The following PPP1R12A variants were observed in gnomAD, a reference collection of about 807,000 sequenced individuals.
The protein encoded by PPP1R12A is protein phosphatase 1 regulatory subunit 12A.
PPP1R12A carries 19 observed loss-of-function variants against 139.6 expected under a neutral mutation model. The observed-to-expected ratio is 0.14, with a 90% CI of 0.09 to 0.20. PPP1R12A has a LOEUF of 0.20. Among genes scored for constraint, PPP1R12A ranks in the 10% least tolerant of loss-of-function variants. PPP1R12A has a pLI of 1.00. For missense variants in PPP1R12A, 925 were observed against 1,211.5 expected (o/e 0.76, Z 3.51); for synonymous variants, 427 against 420.6 (o/e 1.02, Z -0.19).
intron 14 of PPP1R12A, 48 bp from the exon 15 acceptor site, chr12:79,798,632 GAATGTA>G: frequency 9.3e-7 from 1 of 1,072,892 alleles, no homozygotes; most frequent in South Asian, 1.6e-5. Flanking sequence ...CAATACCTGT[GAATGTA>G]AATATCTATC....
intron 1 of PPP1R12A, among the ~76,000 whole-genome samples, chr12:79,895,278 A>G (rs1885029365): frequency 6.6e-6 from 1 of 152,196 alleles, no homozygotes; most frequent in Non-Finnish European, 1.5e-5. Context: ...AATTAAAAAG[A>G]GCAATCACAT....
intron 1 of PPP1R12A, among the ~76,000 whole-genome samples, chr12:79,916,800 C>T (rs1450645486): frequency 6.6e-6 from 1 of 152,104 alleles, no homozygotes; most frequent in African/African-American, 2.4e-5. Context: ...TGGCCAAACA[C>T]TAGCAAACTA....
chr12:79,800,576 G>T (rs559838978), intron 14 of PPP1R12A, among the ~76,000 whole-genome samples: 179 of 151,586 alleles, frequency 1.2e-3, no homozygotes, highest in Middle Eastern at 3.4e-3. Context: ...GCAAATTTTT[G>T]ACTGCACAGG....
At chr12:79,807,134 T>C in intron 12 of PPP1R12A, 92 bp downstream of exon 12, 4 of 670,860 alleles carry the variant, frequency 6.0e-6, no homozygotes, top group Non-Finnish European at 9.7e-6. Context: ...CACATATTTG[T>C]TTAAAATGAT....
intron 2 of PPP1R12A, among the ~76,000 whole-genome samples, chr12:79,867,060 G>C (rs1882047590): frequency 6.6e-6 from 1 of 152,124 alleles, no homozygotes; most frequent in East Asian, 1.9e-4. Flanking sequence ...AAAAACACTT[G>C]CAACCAACCA....
At chr12:79,781,376 G>T (rs536170307) in intron 23 of PPP1R12A, among the ~76,000 whole-genome samples, 2 of 151,946 alleles carry the variant, frequency 1.3e-5, no homozygotes, top group South Asian at 2.1e-4. Flanking sequence ...ACTTTAAAAA[G>T]AATTTGAAAA....
chr12:79,832,635 G>A, intron 3 of PPP1R12A, 144 bp from the exon 4 acceptor site: 1 of 769,450 alleles, frequency 1.3e-6, no homozygotes. Context: ...TAACAAGTTG[G>A]TTAAACTAAA....
chr12:79,803,741 T>C (rs925834249), intron 14 of PPP1R12A, among the ~76,000 whole-genome samples: 1 of 152,124 alleles, frequency 6.6e-6, no homozygotes, highest in Admixed American at 6.5e-5. Context: ...AAAACCTCTA[T>C]AATATAGACG....
At chr12:79,824,599 A>G (rs1305677432) in intron 5 of PPP1R12A, among the ~76,000 whole-genome samples, 1 of 152,224 alleles carries the variant, frequency 6.6e-6, no homozygotes, top group East Asian at 1.9e-4. Flanking sequence ...CTAATTTCAA[A>G]AAAAGCACAC....
At chr12:79,781,110 ACTTTTC>A (rs1344425376) in intron 23 of PPP1R12A, among the ~76,000 whole-genome samples, 1 of 152,198 alleles carries the variant, frequency 6.6e-6, no homozygotes, top group Non-Finnish European at 1.5e-5. Flanking sequence ...ATCTTTGGGC[ACTTTTC>A]CTTTAACTTT....
intron 2 of PPP1R12A, chr12:79,848,861 G>C (rs1879716682): frequency 6.6e-6 from 1 of 152,054 alleles, no homozygotes; most frequent in Non-Finnish European, 1.5e-5. Context: ...AAAGGTTGGA[G>C]GGGTGAAAAA....
intron 2 of PPP1R12A, among the ~76,000 whole-genome samples, chr12:79,869,958 T>C (rs879697212): frequency 9.3e-5 from 14 of 150,882 alleles, no homozygotes; most frequent in Non-Finnish European, 1.8e-4. Flanking sequence ...TTCATGCCTA[T>C]AAAACACTGA....
intron 14 of PPP1R12A, among the ~76,000 whole-genome samples, chr12:79,802,512 A>C (rs1592637060): frequency 6.6e-6 from 1 of 152,336 alleles, no homozygotes; most frequent in East Asian, 1.9e-4. Flanking sequence ...GGCTGGGTAC[A>C]GTTGCTCATG....
intron 2 of PPP1R12A, among the ~76,000 whole-genome samples, chr12:79,859,227 C>T (rs923131857): frequency 2.6e-5 from 4 of 151,612 alleles, no homozygotes; most frequent in Non-Finnish European, 5.9e-5. Context: ...GTCCCAGCTA[C>T]TCGGGAGGCA....
At position 79,796,930 on chromosome 12, in the gene PPP1R12A, T is replaced by C. The variant is rs762936204; in HGVS notation, c.2313A>G (p.Pro771=). 1 of 1,612,106 alleles carries C rather than the reference T, an allele frequency of 6.2e-7. No individual in the cohort carries two copies. The highest frequency in any genetic ancestry group is 1.1e-5 in the South Asian group (1 of 90,654). ...GAGTGGTTGAACTTGAAGTTGATAC[T>C]GGCCTATAACGCTGGTAAGTCTGTG... ...TYDETYQRYR[P]VSTSSSTTPS... The change falls in exon 17 of 25, where the codon CCA becomes CCG. Residue 771 remains proline, a synonymous_variant. Coordinates refer to ENST00000450142, the MANE Select transcript of PPP1R12A (RefSeq NM_002480.3).
At chr12:79,785,348 C>T (rs758637365) in intron 22 of PPP1R12A, among the ~76,000 whole-genome samples, 14 of 152,082 alleles carry the variant, frequency 9.2e-5, no homozygotes, top group East Asian at 1.9e-4. Context: ...CACAGACAAT[C>T]GCTTTACAAC....
intron 1 of PPP1R12A, among the ~76,000 whole-genome samples, chr12:79,920,109 A>G (rs1887323028): frequency 6.6e-6 from 1 of 152,234 alleles, no homozygotes; most frequent in African/African-American, 2.4e-5. Context: ...GACATTTCAT[A>G]TAAATGGAAT....
rs1473318983 is a variant in PPP1R12A, at chr12:79,810,934, A to T, written c.1240-924T>A. ...AAATTTACTGATTTCCCCACCAAACATTAACTATTTCAACTATAATAAAAA... is the reference window on the plus strand; with the variant it reads ...AAATTTACTGATTTCCCCACCAAACTTTAACTATTTCAACTATAATAAAAA... On this transcript the variant is annotated intron_variant, in intron 9 of 24. Coordinates refer to ENST00000450142, the MANE Select transcript of PPP1R12A (RefSeq NM_002480.3). Among the ~76,000 whole-genome samples, 3 of 152,088 alleles carry T rather than the reference A, an allele frequency of 2.0e-5. No homozygotes were observed. In the East Asian group the frequency reaches 5.8e-4, roughly 29 times the overall value.
intron 1 of PPP1R12A, among the ~76,000 whole-genome samples, chr12:79,897,073 A>G (rs1286736267): frequency 6.6e-6 from 1 of 152,224 alleles, no homozygotes; most frequent in African/African-American, 2.4e-5. Context: ...CCAAAAAGAC[A>G]TATGTACTTG....
Sources: allele counts gnomAD v4.1 joint callset (sites outside exome capture counted in the v4.1 genomes callset), GRCh38; gene constraint gnomAD v4.1.1; transcripts MANE v1.5; gene names NCBI Gene and HGNC (gene_info 2026-07-23, HGNC 2026-07-21).